CBL: variants seen among roughly 807,000 people sequenced by gnomAD.
CBL encodes E3 ubiquitin-protein ligase CBL.
In CBL, 45 loss-of-function variants were observed where a neutral mutation model predicts 96.9. That is an observed-to-expected ratio of 0.46 (90% CI 0.37 to 0.60). The LOEUF (loss-of-function observed/expected upper bound fraction) is 0.60, where lower values mean the gene tolerates loss of function less well. Among genes scored for constraint, CBL ranks in the 20% least tolerant of loss-of-function variants. The pLI is 0.00. For synonymous variants in CBL, 420 were observed against 426.8 expected, an observed-to-expected ratio of 0.98 and a Z score of 0.20; for missense variants, 1,024 against 1,143.5, an observed-to-expected ratio of 0.90 and a Z score of 1.51.
chr11:119,281,576 C>T (rs1426861376), intron 9 of CBL, among the ~76,000 whole-genome samples: 3 of 151,092 alleles, frequency 2.0e-5, no homozygotes, highest in South Asian at 2.1e-4. Context: ...CTCACTGCAA[C>T]CTCTGCCTCC....
chr11:119,302,425 A>G lies in CBL; in HGVS notation c.*2644A>G, dbSNP rs139364751. Reference sequence around the variant, plus strand: ...CCCTCCATTTGTATGGCAATTTAAAAGTCTTTGGCTTTGCTCTGAATTTAA... The same window carrying G: ...CCCTCCATTTGTATGGCAATTTAAAGGTCTTTGGCTTTGCTCTGAATTTAA... On this transcript the variant is annotated 3_prime_UTR_variant, in exon 16 of 16. Transcript: ENST00000264033. 2.1e-5 allele frequency: 5 copies of G among 232,988 alleles called. No individual in the cohort carries two copies. The highest frequency in any genetic ancestry group is 1.1e-4 in the African/African-American group (5 of 45,460). The allele number at this position is 232,988 out of a possible 1,614,324, so 14.4% of individuals were successfully genotyped here. A position where few individuals can be genotyped will look rare whatever the true frequency, so the allele number is the denominator to read the frequency against.
chr11:119,248,586 G>A (rs897225135), intron 2 of CBL, among the ~76,000 whole-genome samples: 6 of 152,086 alleles, frequency 3.9e-5, no homozygotes, highest in African/African-American at 1.4e-4. Flanking sequence ...CATGAATCTT[G>A]GATTAGGCAA....
At chr11:119,208,190 A>G (rs1336497987) in intron 1 of CBL, among the ~76,000 whole-genome samples, 1 of 152,226 alleles carries the variant, frequency 6.6e-6, no homozygotes, top group Non-Finnish European at 1.5e-5. Flanking sequence ...CACATCGAAG[A>G]TATTCAAATG....
At chr11:119,292,266 A>C (rs1950032606) in intron 12 of CBL, among the ~76,000 whole-genome samples, 1 of 152,166 alleles carries the variant, frequency 6.6e-6, no homozygotes, top group African/African-American at 2.4e-5. Context: ...ACTTTTCCTG[A>C]AAACAGACTG....
chr11:119,263,800 A>G (rs762536163), intron 2 of CBL, among the ~76,000 whole-genome samples: 1 of 152,200 alleles, frequency 6.6e-6, no homozygotes, highest in South Asian at 2.1e-4. Flanking sequence ...GGATGCTGCT[A>G]TTGAGTTATA....
chr11:119,215,262 C>T (rs1289254829), intron 1 of CBL, among the ~76,000 whole-genome samples: 1 of 151,988 alleles, frequency 6.6e-6, no homozygotes, highest in African/African-American at 2.4e-5. Flanking sequence ...ATATAATGAA[C>T]CTGATAAATC....
intron 1 of CBL, among the ~76,000 whole-genome samples, chr11:119,217,811 C>T (rs1949374878): frequency 6.6e-6 from 1 of 152,052 alleles, no homozygotes. Context: ...TGGCTCACAC[C>T]TGTAATCCCA....
chr11:119,263,101 A>G (rs193254086), intron 2 of CBL, among the ~76,000 whole-genome samples: 2 of 152,358 alleles, frequency 1.3e-5, no homozygotes, highest in African/African-American at 4.8e-5. Flanking sequence ...AATCCCTAGT[A>G]AACTCTTAGT....
rs760968593 is a variant in CBL at position 119,206,450 on chromosome 11, C to G, written c.33C>G (p.Ala11=). 1 of 1,580,750 alleles carries G rather than the reference C, an allele frequency of 6.3e-7. No homozygotes were observed. Among genetic ancestry groups the G allele is most frequent in the Non-Finnish European group, 8.6e-7 (1 of 1,167,918 alleles). The change falls in exon 1 of 16, where the codon GCC becomes GCG. Residue 11 remains alanine (A), a synonymous_variant. Coordinates refer to ENST00000264033, the MANE Select transcript of CBL (RefSeq NM_005188.4). Reference sequence around the variant, plus strand: ...GCAACGTGAAGAAGAGCTCTGGGGCCGGGGGCGGCAGCGGCTCCGGGGGCT... The same window carrying G: ...GCAACGTGAAGAAGAGCTCTGGGGCGGGGGGCGGCAGCGGCTCCGGGGGCT... MAGNVKKSSG[A]GGGSGSGGSG... is the part of the protein sequence containing the mutation.
At chr11:119,280,891 C>T (rs1235136546) in intron 9 of CBL, among the ~76,000 whole-genome samples, 1 of 152,170 alleles carries the variant, frequency 6.6e-6, no homozygotes, top group African/African-American at 2.4e-5. Context: ...TACATGATTT[C>T]ACTCCTTACT....
intron 2 of CBL, 142 bp from the exon 3 acceptor site, chr11:119,271,593 T>C: frequency 1.3e-6 from 1 of 753,526 alleles, no homozygotes. Flanking sequence ...TGAATAATAC[T>C]GGCCAGAAAG....
intron 2 of CBL, among the ~76,000 whole-genome samples, chr11:119,245,477 C>T (rs1949619905): frequency 6.6e-6 from 1 of 151,924 alleles, no homozygotes; most frequent in African/African-American, 2.4e-5. Flanking sequence ...GCCTGTAATC[C>T]CAGCACTTTG....
intron 2 of CBL, among the ~76,000 whole-genome samples, chr11:119,235,730 T>C (rs1949540929): frequency 6.6e-6 from 1 of 152,244 alleles, no homozygotes. Context: ...GGCTCAACTA[T>C]ATCTAATTTG....
chr11:119,303,942 CCAGTCTTTCAA>C lies in CBL; in HGVS notation c.*4164_*4174del, dbSNP rs1388900749. 4.3e-6 allele frequency: 1 copy of C among 233,508 alleles called. No individual in the cohort carries two copies. The highest frequency in any genetic ancestry group is 2.2e-5 in the African/African-American group (1 of 45,300). The allele number at this position is 233,508 out of a possible 1,614,324, so 14.5% of individuals were successfully genotyped here. ...TCCTGTACTATTTGGAATTGGTTTT[CCAGTCTTTCAA>C]CAACCGTTGTGGCTAACTATGTTTT... On this transcript the variant is annotated 3_prime_UTR_variant, in exon 16 of 16. Transcript: ENST00000264033.
chr11:119,292,336 C>T (rs1478782400), intron 12 of CBL, among the ~76,000 whole-genome samples: 3 of 151,356 alleles, frequency 2.0e-5, no homozygotes, highest in Non-Finnish European at 2.9e-5. Context: ...AATGTTAGAC[C>T]TTTTCACTAT....
At chr11:119,282,554 T>A (rs1486883435) in intron 9 of CBL, among the ~76,000 whole-genome samples, 1 of 152,184 alleles carries the variant, frequency 6.6e-6, no homozygotes, top group Non-Finnish European at 1.5e-5. Context: ...TGAGCCTGAA[T>A]AGAGCAGCGT....
intron 2 of CBL, among the ~76,000 whole-genome samples, chr11:119,263,829 T>A (rs1442266642): frequency 6.6e-6 from 1 of 152,228 alleles, no homozygotes; most frequent in East Asian, 1.9e-4. Flanking sequence ...CTCAGTATGT[T>A]CTCACTCAGC....
chr11:119,221,271 G>A (rs1401142228), intron 1 of CBL, among the ~76,000 whole-genome samples: 4 of 151,210 alleles, frequency 2.6e-5, no homozygotes, highest in Non-Finnish European at 5.9e-5. Flanking sequence ...ATAGGTTTCC[G>A]GCTGGGCACC....
At chr11:119,288,573 A>AC (rs1193471189) in intron 12 of CBL, among the ~76,000 whole-genome samples, 1 of 152,098 alleles carries the variant, frequency 6.6e-6, no homozygotes, top group African/African-American at 2.4e-5. Context: ...ACTTCATTCA[A>AC]CCTTAATTAC....
Sources: gnomAD v4.1 joint callset for allele counts (sites outside exome capture counted in the v4.1 genomes callset) on GRCh38, gnomAD v4.1.1 for gene constraint, MANE v1.5 for transcripts, NCBI Gene and HGNC (gene_info 2026-07-23, HGNC 2026-07-21) for gene names.